Variants in ANKRD28 observed in about 807,000 individuals in gnomAD.
ANKRD28 encodes serine/threonine-protein phosphatase 6 regulatory ankyrin repeat subunit A.
ANKRD28 carries 44 observed loss-of-function variants against 126.5 expected under a neutral mutation model. That is an observed-to-expected ratio of 0.35 (90% CI 0.27 to 0.45). The LOEUF (loss-of-function observed/expected upper bound fraction) is 0.45. ANKRD28 is among the 20% of genes least tolerant of loss of function. The pLI is 1.00. For missense variants in ANKRD28, 1,110 were observed against 1,316.6 expected (o/e 0.84, Z 2.43); for synonymous variants, 442 against 468.5 (o/e 0.94, Z 0.73).
intron 3 of ANKRD28, among the ~76,000 whole-genome samples, chr3:15,759,189 T>C (rs1330701122): frequency 2.6e-5 from 4 of 152,202 alleles, no homozygotes; most frequent in African/African-American, 4.8e-5. Context: ...AGGAAGATTC[T>C]GATTACGGCA....
chr3:15,708,032 T>C lies in ANKRD28; in HGVS notation c.1439A>G (p.Asn480Ser), dbSNP rs755191183. The change falls in exon 14 of 28, where the codon AAT becomes AGT. Residue 480 changes from asparagine to serine, a missense_variant. Transcript: ENST00000683139. ...SPLHYAAANC[N>S]YQCLFALVGS... ...CACAAGAGCAAACAGGCACTGGTAA[T>C]TGCAGTTGGCAGCAGCGTAGTGCAG... The C allele has an allele frequency of 3.7e-6, 6 of 1,609,938 alleles. No individual in the cohort carries two copies. The highest frequency in any genetic ancestry group is 2.5e-6 in the Non-Finnish European group (3 of 1,178,180).
intron 17 of ANKRD28, among the ~76,000 whole-genome samples, 199 bp downstream of exon 17, chr3:15,694,540 A>G (rs2069259643): frequency 6.6e-6 from 1 of 151,850 alleles, no homozygotes; most frequent in African/African-American, 2.4e-5. Flanking sequence ...TTCTAAAGCA[A>G]GAAACAGAAA....
At chr3:15,720,056 G>A (rs1470632080) in intron 8 of ANKRD28, among the ~76,000 whole-genome samples, 6 of 151,810 alleles carry the variant, frequency 4.0e-5, no homozygotes, top group Non-Finnish European at 8.8e-5. Context: ...TTTTTGTGGA[G>A]CCAGGTTATG....
Position 15,686,036 on chromosome 3 carries a change from T to A in ANKRD28, c.2135A>T (p.Lys712Ile). ...LLNKGANVDA[K>I]DKWGRTALHR... ...CAACGCTGTCCTTCCCCACTTATCTTTGGCATCTACATTTGCTCCTTTGTT... is the reference window on the plus strand; with the variant it reads ...CAACGCTGTCCTTCCCCACTTATCTATGGCATCTACATTTGCTCCTTTGTT... The change falls in exon 20 of 28, where the codon AAA becomes ATA. Residue 712 changes from lysine to isoleucine, a missense_variant. Physicochemically the swap from Lys to Ile is moderately radical, Grantham distance 102. Coordinates refer to ENST00000683139, the MANE Select transcript of ANKRD28 (RefSeq NM_001349278.2). The A allele has an allele frequency of 6.2e-7, 1 of 1,613,746 alleles. No individual in the cohort carries two copies. Among genetic ancestry groups the A allele is most frequent in the South Asian group, 1.1e-5 (1 of 90,978 alleles).
chr3:15,824,240 C>T (rs960804295), intron 1 of ANKRD28, among the ~76,000 whole-genome samples: 5 of 152,214 alleles, frequency 3.3e-5, no homozygotes, highest in South Asian at 2.1e-4. Flanking sequence ...CTGCAACCTC[C>T]GCCTCCTGGG....
chr3:15,827,597 C>T (rs1023063311), intron 1 of ANKRD28, among the ~76,000 whole-genome samples: 3 of 152,092 alleles, frequency 2.0e-5, no homozygotes, highest in African/African-American at 7.2e-5. Context: ...CATTGAATGG[C>T]CCTGGGACCC....
intron 2 of ANKRD28, among the ~76,000 whole-genome samples, chr3:15,775,634 CTTTA>C (rs1182851089): frequency 6.6e-6 from 1 of 152,144 alleles, no homozygotes; most frequent in Non-Finnish European, 1.5e-5. Context: ...TCTGGGAACA[CTTTA>C]TTTATATTTA....
chr3:15,720,435 T>G (rs1201390852), intron 8 of ANKRD28, among the ~76,000 whole-genome samples: 1 of 152,188 alleles, frequency 6.6e-6, no homozygotes, highest in Non-Finnish European at 1.5e-5. Context: ...GATACAGACA[T>G]CATACATGTC....
intron 14 of ANKRD28, among the ~76,000 whole-genome samples, chr3:15,699,542 G>GA (rs2070226947): frequency 6.6e-6 from 1 of 151,216 alleles, no homozygotes; most frequent in Non-Finnish European, 1.5e-5. Flanking sequence ...AAATTCACAA[G>GA]AAAAAAACAA....
chr3:15,842,839 T>C (rs943923059), intron 1 of ANKRD28, among the ~76,000 whole-genome samples: 6 of 152,232 alleles, frequency 3.9e-5, no homozygotes, highest in African/African-American at 9.6e-5. Flanking sequence ...ATGTTTTCAC[T>C]AACCAAAGAA....
chr3:15,693,712 C>T (rs2069131607), intron 17 of ANKRD28, among the ~76,000 whole-genome samples: 1 of 152,048 alleles, frequency 6.6e-6, no homozygotes, highest in Non-Finnish European at 1.5e-5. Context: ...GACTTATTTA[C>T]TATGCATGTC....
chr3:15,821,401 T>G (rs2060938871), intron 1 of ANKRD28, among the ~76,000 whole-genome samples: 1 of 152,228 alleles, frequency 6.6e-6, no homozygotes, highest in Admixed American at 6.5e-5. Context: ...AATGTAAAGA[T>G]GTACAATCCT....
intron 2 of ANKRD28, among the ~76,000 whole-genome samples, chr3:15,769,177 T>G (rs2058884318): frequency 6.6e-6 from 1 of 152,212 alleles, no homozygotes; most frequent in African/African-American, 2.4e-5. Flanking sequence ...GTGTGAGGGA[T>G]GTCTGGAATT....
At position 15,676,989 on chromosome 3, in the gene ANKRD28, T is replaced by C; in HGVS notation, c.2858A>G (p.Asn953Ser). ...ITDRNLINAT[N>S]AALQTPLHVA... ...CAGTACTCACGTTTGCAAGGCTGCGTTGGTTGCATTGATGAGGTTTCTATC... is the reference window on the plus strand; with the variant it reads ...CAGTACTCACGTTTGCAAGGCTGCGCTGGTTGCATTGATGAGGTTTCTATC... Residue 953 changes from asparagine (N) to serine (S), a missense_variant, in exon 26 of 28, where the codon AAC becomes AGC. Asn to Ser is a conservative substitution (Grantham distance 46). Coordinates refer to ENST00000683139, the MANE Select transcript of ANKRD28 (RefSeq NM_001349278.2). The C allele has an allele frequency of 1.2e-6, 2 of 1,613,184 alleles. No homozygotes were observed. The highest frequency in any genetic ancestry group is 1.7e-6 in the Non-Finnish European group (2 of 1,179,356).
chr3:15,676,837 T>C, intron 26 of ANKRD28, 137 bp downstream of exon 26: 1 of 595,928 alleles, frequency 1.7e-6, no homozygotes, highest in Non-Finnish European at 2.8e-6. Context: ...GAAATGAGTT[T>C]TGACAGTTGT....
At chr3:15,766,844 GTGC>G (rs1245015976) in intron 2 of ANKRD28, among the ~76,000 whole-genome samples, 1 of 151,176 alleles carries the variant, frequency 6.6e-6, no homozygotes, top group African/African-American at 2.5e-5. Context: ...AAAGATGCTT[GTGC>G]TGCTGATATA....
At chr3:15,681,367 C>G (rs7637340) in intron 21 of ANKRD28, among the ~76,000 whole-genome samples, 12,720 of 152,184 alleles carry the variant, frequency 0.084, 1,619 homozygotes, top group African/African-American at 0.27. Context: ...ATTGACTGTT[C>G]ATCAATATCT....
At chr3:15,844,743 G>C (rs1210039124) in intron 1 of ANKRD28, among the ~76,000 whole-genome samples, 1 of 152,140 alleles carries the variant, frequency 6.6e-6, no homozygotes, top group Non-Finnish European at 1.5e-5. Context: ...TTAAATTTAA[G>C]TGAAGATGAT....
chr3:15,694,742 C>T lies in ANKRD28; in HGVS notation c.1758G>A (p.Leu586=), dbSNP rs760574302. 28 of 1,613,210 alleles carry T rather than the reference C, an allele frequency of 1.7e-5. No homozygotes were observed. Among genetic ancestry groups the T allele is most frequent in the Non-Finnish European group, 2.1e-5 (25 of 1,179,410 alleles). ...DNRATISPLH[L]AAYHGHHQAL... ...CGGCTATGAAGGCAGTACTCACAGC[C>T]AAGTGTAAAGGGCTTATTGTTGCTC... is the stretch of plus-strand genomic sequence containing the variant. Residue 586 remains leucine (L), a synonymous_variant, in exon 17 of 28, where the codon TTG becomes TTA. Transcript: ENST00000683139.
Sources: allele counts gnomAD v4.1 joint callset (sites outside exome capture counted in the v4.1 genomes callset), GRCh38; gene constraint gnomAD v4.1.1; transcripts MANE v1.5; gene names NCBI Gene and HGNC (gene_info 2026-07-23, HGNC 2026-07-21).